The following SAMHD1 variants were observed in gnomAD, a reference collection of about 807,000 sequenced individuals.
The protein encoded by SAMHD1 is SAM and HD domain containing deoxynucleoside triphosphate triphosphohydrolase 1, also known as deoxynucleoside triphosphate triphosphohydrolase SAMHD1.
Under a neutral mutation model 79.6 loss-of-function variants are expected in SAMHD1, and 54 were observed. The ratio of observed to expected loss-of-function variants is 0.68; its 90% CI spans 0.55 to 0.85. SAMHD1 has a LOEUF of 0.85. SAMHD1 is among the 40% of genes least tolerant of loss of function. The pLI, the probability that SAMHD1 is intolerant of heterozygous loss-of-function variation, is 0.00. For missense variants in SAMHD1, 663 were observed against 782.7 expected (o/e 0.85, Z 1.82); for synonymous variants, 260 against 264.1 (o/e 0.98, Z 0.15).
At chr20:36,899,467 C>A (rs956719498) in intron 13 of SAMHD1, among the ~76,000 whole-genome samples, 22 of 152,138 alleles carry the variant, frequency 1.4e-4, no homozygotes, top group African/African-American at 5.3e-4. Context: ...CCCCCACAAA[C>A]CAGGCAGCCC....
At chr20:36,911,404 A>G (rs1377228442) in intron 10 of SAMHD1, 71 bp from the exon 11 acceptor site, 24 of 923,638 alleles carry the variant, frequency 2.6e-5, no homozygotes, top group Non-Finnish European at 3.5e-6. Context: ...TTACTTAAGG[A>G]AATCTTTCTA....
chr20:36,922,507 T>C (rs1019012761), intron 6 of SAMHD1, among the ~76,000 whole-genome samples: 5 of 152,114 alleles, frequency 3.3e-5, no homozygotes, highest in African/African-American at 1.2e-4. Flanking sequence ...CCGTTCTCAG[T>C]AGCTAGGACC....
At chr20:36,949,511 C>T (rs1375043546) in intron 1 of SAMHD1, among the ~76,000 whole-genome samples, 1 of 148,618 alleles carries the variant, frequency 6.7e-6, no homozygotes, top group Non-Finnish European at 1.5e-5. Context: ...AATCCCAGCA[C>T]TTTGGGAGGC....
At chr20:36,904,396 G>T in intron 12 of SAMHD1, 147 bp from the exon 13 acceptor site, 1 of 686,688 alleles carries the variant, frequency 1.5e-6, no homozygotes, top group Middle Eastern at 2.4e-4. Flanking sequence ...AATGTCACTC[G>T]TTAAACAAAG....
chr20:36,943,652 T>G (rs866775633), intron 2 of SAMHD1, among the ~76,000 whole-genome samples: 1 of 152,168 alleles, frequency 6.6e-6, no homozygotes, highest in African/African-American at 2.4e-5. Context: ...TCCACAAACA[T>G]GCACATGGCT....
chr20:36,907,330 G>A (rs1464441696), intron 11 of SAMHD1, among the ~76,000 whole-genome samples: 2 of 151,028 alleles, frequency 1.3e-5, no homozygotes, highest in East Asian at 2.0e-4. Flanking sequence ...ACGTGATCAT[G>A]GCTCACTGCA....
At chr20:36,950,655 T>C (rs2063727735) in intron 1 of SAMHD1, among the ~76,000 whole-genome samples, 1 of 152,152 alleles carries the variant, frequency 6.6e-6, no homozygotes, top group Non-Finnish European at 1.5e-5. Flanking sequence ...GTGGCCAAAC[T>C]GTGGCATGCT....
At position 36,930,839 on chromosome 20, in the gene SAMHD1, C is replaced by T. The variant is rs748150321; in HGVS notation, c.546G>A (p.Leu182=). The stretch of plus-strand genomic sequence containing the variant: ...TCTGCAGCTCTGGTTGTTTTTCACC[C>T]AGTGCGTGAACTAGACATCCTGCTA... The part of the protein sequence containing the change: ...GYLAGCLVHA[L]GEKQPELQIS... The change falls in exon 5 of 16, where the codon CTG becomes CTA. Residue 182 remains leucine (L), a synonymous_variant. Transcript: ENST00000646673. 8.1e-6 allele frequency: 13 copies of T among 1,613,896 alleles called. No individual in the cohort carries two copies. Among genetic ancestry groups the T allele is most frequent in the African/African-American group, 1.3e-5 (1 of 74,912 alleles).
At chr20:36,941,188 A>C in intron 2 of SAMHD1, 77 bp from the exon 3 acceptor site, 2 of 958,444 alleles carry the variant, frequency 2.1e-6, no homozygotes, top group African/African-American at 1.6e-5. Context: ...TAGACATAAT[A>C]AACTTTATAT....
At chr20:36,950,678 G>C (rs1226965180) in intron 1 of SAMHD1, among the ~76,000 whole-genome samples, 1 of 152,178 alleles carries the variant, frequency 6.6e-6, no homozygotes, top group Non-Finnish European at 1.5e-5. Flanking sequence ...GGATTCAGTG[G>C]TCAACTGAAC....
rs879777393 is a variant in SAMHD1 at position 36,904,081 on chromosome 20, T to C, written c.1503+76A>G. 2.2e-4 allele frequency: 220 copies of C among 998,890 alleles called. 2 individuals carry two copies. The Admixed American group carries it at 3.7e-3, about 17-fold the overall frequency. 61.9% of individuals were successfully genotyped at this position (998,890 alleles called of 1,614,324 possible). On this transcript the variant is annotated intron_variant, in intron 13 of 15. Transcript: ENST00000646673. ...TTTTTCTAATTTGCTAAAATGAACA[T>C]GTACTACTTTTATAATGGTGGGTGC...
At chr20:36,895,647 G>C (rs1318915311) in intron 15 of SAMHD1, among the ~76,000 whole-genome samples, 1 of 152,010 alleles carries the variant, frequency 6.6e-6, no homozygotes, top group Non-Finnish European at 1.5e-5. Flanking sequence ...CAAATTTATA[G>C]TAGTTATCAC....
At position 36,897,946 on chromosome 20, in the gene SAMHD1, A is replaced by G; in HGVS notation, c.1622T>C (p.Leu541Pro). The G allele has an allele frequency of 6.2e-7, 1 of 1,614,234 alleles. No individual in the cohort carries two copies. The highest frequency in any genetic ancestry group is 8.5e-7 in the Non-Finnish European group (1 of 1,180,056). Residue 541 changes from leucine to proline, a missense_variant, in exon 15 of 16, where the codon CTG becomes CCG. By Grantham distance (98) the Leu-to-Pro change is moderately conservative. Transcript: ENST00000646673. ...CAGCTGCTCTGCAAATTTCTCTGGC[A>G]GAAGTTGTGAAACCTTTTTAAAATG... Reference protein sequence around the residue: ...RITKNQVSQLLPEKFAEQLIR... With the variant: ...RITKNQVSQLPPEKFAEQLIR...
At chr20:36,919,253 A>T (rs2063492129) in intron 7 of SAMHD1, 111 bp downstream of exon 7, 1 of 994,446 alleles carries the variant, frequency 1.0e-6, no homozygotes. Flanking sequence ...CATAGAACTC[A>T]TATTTTATCA....
At position 36,942,184 on chromosome 20, in the gene SAMHD1, G is replaced by A. The variant is rs553390645; in HGVS notation, c.276-1073C>T. On this transcript the variant is annotated intron_variant, in intron 2 of 15. Coordinates refer to ENST00000646673, the MANE Select transcript of SAMHD1 (RefSeq NM_015474.4). ...TAATCCCAGCACTTTGGGAGGCCGA[G>A]GTGGGTGGATCACCTGAGGTTGGGA... 1.9e-3 allele frequency among the ~76,000 whole-genome samples: 291 copies of A among 152,320 alleles called. 4 individuals carry two copies. Among genetic ancestry groups the A allele is most frequent in the Non-Finnish European group, 9.6e-4 (65 of 68,028 alleles).
At chr20:36,900,635 C>T (rs913058840) in intron 13 of SAMHD1, among the ~76,000 whole-genome samples, 9 of 151,692 alleles carry the variant, frequency 5.9e-5, no homozygotes, top group East Asian at 1.9e-4. Context: ...GGCTCGCTCT[C>T]GGCTCACTGC....
chr20:36,889,914 T>TG (rs1275393545), downstream of SAMHD1: 1 of 152,142 alleles, frequency 6.6e-6, no homozygotes, highest in Non-Finnish European at 1.5e-5. Context: ...CATGAATGTG[T>TG]GTGTGTGTGT....
chr20:36,905,373 CTTTA>C lies in SAMHD1; in HGVS notation c.1397_1400del (p.Ile466ArgfsTer23). The C allele has an allele frequency of 6.2e-7, 1 of 1,614,046 alleles. No individual in the cohort carries two copies. Among genetic ancestry groups the C allele is most frequent in the Non-Finnish European group, 8.5e-7 (1 of 1,179,992 alleles). Reference sequence around the variant, plus strand: ...ATGCCTGATAACTCACCCTTTTAATCTTTATTTGTCCTGTTGGCTGCGTCTCACC... The same window carrying C: ...ATGCCTGATAACTCACCCTTTTAATCTTTGTCCTGTTGGCTGCGTCTCACC... On this transcript the variant is annotated frameshift_variant, in exon 12 of 16. Coordinates refer to ENST00000646673, the MANE Select transcript of SAMHD1 (RefSeq NM_015474.4). LOFTEE classifies it high-confidence loss of function.
In SAMHD1 at chr20:36,951,501, T is replaced by C. The variant is rs145360072; in HGVS notation, c.143A>G (p.Glu48Gly). The change falls in exon 1 of 16, where the codon GAG (glutamate) becomes GGG (glycine). Residue 48 changes from glutamate to glycine, a missense_variant. By Grantham distance (98) the Glu-to-Gly change is moderately conservative (BLOSUM62 -2). Coordinates refer to ENST00000646673, the MANE Select transcript of SAMHD1 (RefSeq NM_015474.4). ...LHPDYKTWGPEQVCSFLRRGG... is the reference protein window; with the variant it reads ...LHPDYKTWGPGQVCSFLRRGG... ...GCGCCTGAGGAAGGAGCACACCTGCTCCGGACCCCATGTCTTGTAGTCGGG... is the reference window on the plus strand; with the variant it reads ...GCGCCTGAGGAAGGAGCACACCTGCCCCGGACCCCATGTCTTGTAGTCGGG... 5 of 1,614,006 alleles carry C rather than the reference T, an allele frequency of 3.1e-6. No homozygotes were observed. The highest frequency in any genetic ancestry group is 4.2e-6 in the Non-Finnish European group (5 of 1,179,998).
Sources: gnomAD v4.1 joint callset for allele counts (sites outside exome capture counted in the v4.1 genomes callset) on GRCh38, gnomAD v4.1.1 for gene constraint, MANE v1.5 for transcripts, NCBI Gene and HGNC (gene_info 2026-07-23, HGNC 2026-07-21) for gene names.